DENND6A: variants seen among roughly 807,000 people sequenced by gnomAD.
DENND6A encodes DENN domain containing 6A.
DENND6A carries 43 observed loss-of-function variants against 95.5 expected under a neutral mutation model. The observed-to-expected ratio is 0.45, with a 90% confidence interval of 0.35 to 0.58. The LOEUF (loss-of-function observed/expected upper bound fraction) is 0.58, where lower values mean the gene tolerates loss of function less well. DENND6A is among the 20% of genes least tolerant of loss of function. The pLI, the probability that DENND6A is intolerant of heterozygous loss-of-function variation, is 0.00. For missense variants in DENND6A, 574 were observed against 736.0 expected, an observed-to-expected ratio of 0.78 and a Z score of 2.55; for synonymous variants, 257 against 260.4, an observed-to-expected ratio of 0.99 and a Z score of 0.13.
chr3:57,641,549 T>C, intron 12 of DENND6A, 104 bp downstream of exon 12: 1 of 958,502 alleles, frequency 1.0e-6, no homozygotes, highest in South Asian at 2.2e-5. Flanking sequence ...CCAAAGGCCT[T>C]GAAGAAAGCT....
intron 1 of DENND6A, among the ~76,000 whole-genome samples, chr3:57,692,244 A>AG (rs1026346408): frequency 6.6e-6 from 1 of 151,798 alleles, no homozygotes. Flanking sequence ...AAAAAAAAAA[A>AG]AAAAAACAGA....
intron 1 of DENND6A, among the ~76,000 whole-genome samples, chr3:57,692,421 T>C (rs1399273913): frequency 6.6e-6 from 1 of 152,168 alleles, no homozygotes; most frequent in African/African-American, 2.4e-5. Context: ...GTTATGGGCA[T>C]TGTTCTTGAA....
At chr3:57,650,179 T>C (rs941759935) in intron 9 of DENND6A, among the ~76,000 whole-genome samples, 9 of 151,918 alleles carry the variant, frequency 5.9e-5, no homozygotes, top group African/African-American at 2.2e-4. Context: ...AGACTACATA[T>C]TGGGTACAGT....
intron 5 of DENND6A, among the ~76,000 whole-genome samples, chr3:57,662,525 A>G (rs1468975128): frequency 6.6e-6 from 1 of 152,118 alleles, no homozygotes; most frequent in Non-Finnish European, 1.5e-5. Flanking sequence ...AGAAACAAAA[A>G]GAATTGTACA....
Position 57,626,225 on chromosome 3 carries a change from T to G in DENND6A, c.*1989A>C, listed in dbSNP as rs1404463318. 6.6e-6 allele frequency: 1 copy of G among 152,642 alleles called. No individual in the cohort carries two copies. 9.5% of individuals were successfully genotyped at this position (152,642 alleles called of 1,614,324 possible). On this transcript the variant is annotated 3_prime_UTR_variant, in exon 20 of 20. Transcript: ENST00000311128. ...ATAAGAACAGGGCACATTTGGGTAT[T>G]AGACCACAGTTACAAACGCAAGGAG...
At chr3:57,648,565 A>G (rs543021139) in intron 9 of DENND6A, among the ~76,000 whole-genome samples, 1 of 152,290 alleles carries the variant, frequency 6.6e-6, no homozygotes, top group African/African-American at 2.4e-5. Flanking sequence ...CTAAAGTAAG[A>G]CTAAGCAAAA....
Position 57,672,400 on chromosome 3 carries a change from T to C in DENND6A, c.276A>G (p.Glu92=). ...YPQHSKLTDR[E]KTNICYLSFP... is the part of the protein sequence containing the mutation. ...TATACAGAGCAGTATTTTTACTTAC[T>C]TCTCTGTCAGTAAGTTTGGAATGCT... Residue 92 remains glutamate, a splice_region_variant and synonymous_variant, in exon 2 of 20, where the codon GAA becomes GAG. Coordinates refer to ENST00000311128, the MANE Select transcript of DENND6A (RefSeq NM_152678.3). 7 of 1,613,108 alleles carry C rather than the reference T, an allele frequency of 4.3e-6. No individual in the cohort carries two copies. The highest frequency in any genetic ancestry group is 5.9e-6 in the Non-Finnish European group (7 of 1,179,552).
rs2070538585 is a variant in DENND6A, at chr3:57,626,742, C to T, written c.*1472G>A. On this transcript the variant is annotated 3_prime_UTR_variant, in exon 20 of 20. Transcript: ENST00000311128. ...AAAAAAGTGGCTTCTGTAGGATACTCTTATTCAAACACAAACCAAACAACC... is the reference window on the plus strand; with the variant it reads ...AAAAAAGTGGCTTCTGTAGGATACTTTTATTCAAACACAAACCAAACAACC... 6.6e-6 allele frequency: 1 copy of T among 152,048 alleles called. No individual in the cohort carries two copies. The highest frequency in any genetic ancestry group is 2.1e-4 in the South Asian group (1 of 4,830). 9.4% of individuals were successfully genotyped at this position (152,048 alleles called of 1,614,324 possible).
rs1387468036 is a variant in DENND6A at position 57,634,711 on chromosome 3, G to A, written c.1191C>T (p.Ser397=). The part of the protein sequence containing the change: ...KKLKNLKTLD[S]KPGVYTSYKP... ...ATCAATAAAAGTCAATACCAGGTTTGGAATCCAGAGTCTTTAGATTCTTCA... is the reference window on the plus strand; with the variant it reads ...ATCAATAAAAGTCAATACCAGGTTTAGAATCCAGAGTCTTTAGATTCTTCA... The change falls in exon 13 of 20, where the codon TCC becomes TCT. Residue 397 remains serine (S), a synonymous_variant. Coordinates refer to ENST00000311128, the MANE Select transcript of DENND6A (RefSeq NM_152678.3). 2 of 1,557,664 alleles carry A rather than the reference G, an allele frequency of 1.3e-6. No homozygotes were observed. The highest frequency in any genetic ancestry group is 1.7e-6 in the Non-Finnish European group (2 of 1,152,450).
At chr3:57,629,807 C>A (rs1316474785) in intron 18 of DENND6A, among the ~76,000 whole-genome samples, 1 of 151,976 alleles carries the variant, frequency 6.6e-6, no homozygotes, top group Non-Finnish European at 1.5e-5. Flanking sequence ...CAGGCGTGAG[C>A]CACTGCACCC....
chr3:57,685,743 A>ATTTTT (rs1559833692), intron 1 of DENND6A, among the ~76,000 whole-genome samples: 1 of 151,908 alleles, frequency 6.6e-6, no homozygotes, highest in African/African-American at 2.4e-5. Context: ...TTTTTTAAAA[A>ATTTTT]AAAATTTGTT....
chr3:57,631,438 C>T (rs554158387), intron 15 of DENND6A, among the ~76,000 whole-genome samples: 3 of 152,256 alleles, frequency 2.0e-5, no homozygotes, highest in African/African-American at 7.2e-5. Context: ...TCATGATCCA[C>T]CTGCCTCAGC....
intron 1 of DENND6A, among the ~76,000 whole-genome samples, chr3:57,679,047 T>C (rs1332942551): frequency 3.3e-5 from 5 of 152,242 alleles, no homozygotes; most frequent in Admixed American, 3.3e-4. Context: ...GAGGTTGCAG[T>C]GAGCCCAGAT....
intron 4 of DENND6A, among the ~76,000 whole-genome samples, chr3:57,664,393 T>C (rs781178886): frequency 6.6e-6 from 1 of 152,266 alleles, no homozygotes; most frequent in African/African-American, 2.4e-5. Flanking sequence ...GGAGTAAACT[T>C]TGGCTCAGTT....
At chr3:57,660,930 T>C (rs113871904) in intron 6 of DENND6A, 91 bp from the exon 7 acceptor site, 1 of 1,134,984 alleles carries the variant, frequency 8.8e-7, no homozygotes. Context: ...CTACTTTCCA[T>C]ACAGCAGAAA....
chr3:57,656,835 G>C (rs1040050637), intron 9 of DENND6A, among the ~76,000 whole-genome samples: 1 of 152,150 alleles, frequency 6.6e-6, no homozygotes, highest in Non-Finnish European at 1.5e-5. Context: ...GTGTGCACCT[G>C]TAGTCCCAGC....
In DENND6A at chr3:57,626,207, C is replaced by T. The variant is rs960322548; in HGVS notation, c.*2007G>A. 2 of 152,712 alleles carry T rather than the reference C, an allele frequency of 1.3e-5. No homozygotes were observed. The highest frequency in any genetic ancestry group is 4.1e-4 in the South Asian group (2 of 4,832). The allele number at this position is 152,712 out of a possible 1,614,324, so 9.5% of individuals were successfully genotyped here. A position where few individuals can be genotyped will look rare whatever the true frequency, so the allele number is the denominator to read the frequency against. On this transcript the variant is annotated 3_prime_UTR_variant, in exon 20 of 20. Coordinates refer to ENST00000311128, the MANE Select transcript of DENND6A (RefSeq NM_152678.3). ...CTTCAAGAGACTGTATCCATAAGAA[C>T]AGGGCACATTTGGGTATTAGACCAC...
intron 9 of DENND6A, among the ~76,000 whole-genome samples, chr3:57,655,224 G>A (rs1301638099): frequency 1.3e-5 from 2 of 152,010 alleles, no homozygotes; most frequent in African/African-American, 4.8e-5. Flanking sequence ...TAGTAGAGAC[G>A]GGGTTTCACC....
intron 12 of DENND6A, among the ~76,000 whole-genome samples, chr3:57,641,152 C>A (rs1318080372): frequency 7.0e-6 from 1 of 142,994 alleles, no homozygotes; most frequent in Non-Finnish European, 1.5e-5. Context: ...TTTTATTGGG[C>A]TTTTAAATAT....
Sources: allele counts gnomAD v4.1 joint callset (sites outside exome capture counted in the v4.1 genomes callset), GRCh38; gene constraint gnomAD v4.1.1; transcripts MANE v1.5; gene names NCBI Gene and HGNC (gene_info 2026-07-23, HGNC 2026-07-21).